Variants in LAMA3 observed in about 807,000 individuals in gnomAD.
LAMA3 encodes the protein laminin subunit alpha 3.
LAMA3 carries 281 observed loss-of-function variants against 402.0 expected under a neutral mutation model. The observed-to-expected ratio is 0.70, with a 90% CI of 0.63 to 0.77. LAMA3 has a LOEUF of 0.77. Ranked by LOEUF, LAMA3 falls within the 30% of genes least tolerant of loss-of-function variation. The pLI is 0.00. For missense variants in LAMA3, 3,840 were observed against 4,215.5 expected (o/e 0.91, Z 2.47); for synonymous variants, 1,431 against 1,558.4 (o/e 0.92, Z 1.93).
chr18:23,875,826 C>T (rs1210227530), intron 38 of LAMA3, among the ~76,000 whole-genome samples: 1 of 152,136 alleles, frequency 6.6e-6, no homozygotes, highest in Non-Finnish European at 1.5e-5. Context: ...GCCCTCAAAA[C>T]AGTTGTGAGA....
intron 25 of LAMA3, among the ~76,000 whole-genome samples, chr18:23,838,507 T>G (rs1317404928): frequency 6.6e-6 from 1 of 152,244 alleles, no homozygotes; most frequent in Non-Finnish European, 1.5e-5. Context: ...GAGTAGTTTC[T>G]GAGCTTCCTT....
At chr18:23,845,291 C>G (rs1205919090) in intron 30 of LAMA3, among the ~76,000 whole-genome samples, 167 bp downstream of exon 30, 1 of 152,194 alleles carries the variant, frequency 6.6e-6, no homozygotes. Flanking sequence ...CACACCAACC[C>G]TCGCATGACA....
chr18:23,840,469 AACTCC>A, intron 27 of LAMA3, among the ~76,000 whole-genome samples: 1 of 147,782 alleles, frequency 6.8e-6, no homozygotes, highest in Non-Finnish European at 1.5e-5. Context: ...TGCAGCCTCC[AACTCC>A]TGGGCTCAGG....
In LAMA3 at chr18:23,871,498, G is replaced by T; in HGVS notation, c.4835G>T (p.Arg1612Ile). ...SREELMTVLS[R>I]LADVRIQGLY... Reference sequence around the variant, plus strand: ...GAGGAGCTGATGACAGTGCTGTCTAGACTGGCAGATGTGCGCATCCAAGGC... The same window carrying T: ...GAGGAGCTGATGACAGTGCTGTCTATACTGGCAGATGTGCGCATCCAAGGC... The change falls in exon 38 of 75, where the codon AGA becomes ATA. Residue 1612 changes from arginine (R) to isoleucine (I), a missense_variant. Coordinates refer to ENST00000313654, the MANE Select transcript of LAMA3 (RefSeq NM_198129.4). The T allele has an allele frequency of 6.2e-7, 1 of 1,614,212 alleles. No homozygotes were observed. Among genetic ancestry groups the T allele is most frequent in the Admixed American group, 1.7e-5 (1 of 60,022 alleles).
chr18:23,940,533 C>T (rs2082465874), intron 68 of LAMA3, among the ~76,000 whole-genome samples: 1 of 152,212 alleles, frequency 6.6e-6, no homozygotes, highest in Non-Finnish European at 1.5e-5. Context: ...CAGATTGCTA[C>T]CTCTCTCTGG....
chr18:23,831,322 A>G (rs2063486479), intron 23 of LAMA3, among the ~76,000 whole-genome samples: 1 of 152,076 alleles, frequency 6.6e-6, no homozygotes, highest in Non-Finnish European at 1.5e-5. Flanking sequence ...CAATTTTATT[A>G]TACTCCCTCT....
At chr18:23,933,638 C>T in intron 66 of LAMA3, 144 bp from the exon 67 acceptor site, 1 of 757,184 alleles carries the variant, frequency 1.3e-6, no homozygotes, top group Non-Finnish European at 2.3e-6. Context: ...CATATTCCTT[C>T]TATCTAACTG....
rs1436285030 is a variant in LAMA3, at chr18:23,845,121, TTGAG to T, written c.3719+3_3719+6del. The T allele has an allele frequency of 3.2e-6, 5 of 1,545,968 alleles. No homozygotes were observed. Among genetic ancestry groups the T allele is most frequent in the African/African-American group, 1.4e-5 (1 of 73,618 alleles). On this transcript the variant is annotated splice_donor_variant and coding_sequence_variant, in exon 30 of 75. Transcript: ENST00000313654. LOFTEE classifies it high-confidence loss of function. ...AATTGTGGAAAAAACAGCTTTTACC[TTGAG>T]TGAGTATCACTTTGTGGGAAGGCTC...
chr18:23,921,543 G>A lies in LAMA3; in HGVS notation c.8135G>A (p.Ser2712Asn). 1 of 1,613,518 alleles carries A rather than the reference G, an allele frequency of 6.2e-7. No individual in the cohort carries two copies. The highest frequency in any genetic ancestry group is 1.7e-4 in the Middle Eastern group (1 of 6,060). Residue 2712 changes from serine to asparagine, a missense_variant, in exon 62 of 75, where the codon AGC (serine) becomes AAC (asparagine). By Grantham distance (46) the Ser-to-Asn change is conservative. Coordinates refer to ENST00000313654, the MANE Select transcript of LAMA3 (RefSeq NM_198129.4). ...TIIDGEVFDF[S>N]TYYLGGIPIA... is the part of the protein sequence containing the mutation. ...ATTGATGGTGAAGTATTTGATTTCA[G>A]CACATATTATCTGGGAGGAATTCCA...
intron 7 of LAMA3, among the ~76,000 whole-genome samples, chr18:23,761,668 T>A (rs2061971978): frequency 1.3e-5 from 2 of 152,234 alleles, no homozygotes; most frequent in Non-Finnish European, 2.9e-5. Context: ...TAATATTCTC[T>A]TCGTGCATGA....
chr18:23,916,433 A>G (rs1041374389), intron 59 of LAMA3, 118 bp from the exon 60 acceptor site: 1 of 1,162,180 alleles, frequency 8.6e-7, no homozygotes, highest in African/African-American at 1.5e-5. Flanking sequence ...AAATTATGAC[A>G]ACTAGATTGC....
At chr18:23,690,031 CCAGA>C in intron 1 of LAMA3, 54 bp downstream of exon 1, 1 of 1,303,654 alleles carries the variant, frequency 7.7e-7, no homozygotes. Flanking sequence ...CCCGCGCCGG[CCAGA>C]CACCCGGAGA....
chr18:23,919,642 C>T (rs772067634), intron 60 of LAMA3, among the ~76,000 whole-genome samples: 17 of 152,122 alleles, frequency 1.1e-4, no homozygotes, highest in East Asian at 9.7e-4. Flanking sequence ...ACAGGCAAGA[C>T]GGGGGATCCA....
chr18:23,932,515 C>T (rs1327391493), intron 66 of LAMA3: 1 of 480,530 alleles, frequency 2.1e-6, no homozygotes, highest in Non-Finnish European at 3.8e-6. Context: ...TAGCATGTAA[C>T]CTTGGAAAAG....
At chr18:23,950,982 T>C (rs527840201) in intron 72 of LAMA3, among the ~76,000 whole-genome samples, 2 of 152,330 alleles carry the variant, frequency 1.3e-5, no homozygotes, top group South Asian at 4.1e-4. Context: ...ACCTTCATAA[T>C]AGCAGTGACA....
At chr18:23,767,317 A>G (rs1003958184) in intron 8 of LAMA3, among the ~76,000 whole-genome samples, 6 of 152,222 alleles carry the variant, frequency 3.9e-5, no homozygotes, top group African/African-American at 7.2e-5. Flanking sequence ...TACAGATTCA[A>G]CGCTATTTCT....
chr18:23,866,318 A>C (rs2064357489), intron 36 of LAMA3, among the ~76,000 whole-genome samples: 1 of 152,222 alleles, frequency 6.6e-6, no homozygotes, highest in Admixed American at 6.5e-5. Flanking sequence ...ATGTAATGAT[A>C]GCTTTGGGAA....
intron 46 of LAMA3, 56 bp from the exon 47 acceptor site, chr18:23,899,232 A>G: frequency 6.9e-7 from 1 of 1,450,580 alleles, no homozygotes; most frequent in South Asian, 1.2e-5. Flanking sequence ...TTTTTTTTTA[A>G]GTAGCCTACT....
At chr18:23,899,954 A>C (rs1264787166) in intron 47 of LAMA3, among the ~76,000 whole-genome samples, 1 of 152,200 alleles carries the variant, frequency 6.6e-6, no homozygotes, top group Non-Finnish European at 1.5e-5. Context: ...ATGGGACCCC[A>C]GTCTAAACAT....
Sources: gnomAD v4.1 joint callset for allele counts (sites outside exome capture counted in the v4.1 genomes callset) on GRCh38, gnomAD v4.1.1 for gene constraint, MANE v1.5 for transcripts, NCBI Gene and HGNC (gene_info 2026-07-23, HGNC 2026-07-21) for gene names.